Variants in CEP126 observed in about 807,000 individuals in gnomAD.
CEP126 encodes centrosomal protein 126.
A neutral mutation model predicts 107.8 loss-of-function variants in CEP126; 74 were observed. That is an observed-to-expected ratio of 0.69 (90% CI 0.57 to 0.83). CEP126 has a LOEUF of 0.83. CEP126 is among the 40% of genes least tolerant of loss of function. The probability of loss-of-function intolerance (pLI) is 0.00; values close to 1 mark genes in which losing one functional copy is unlikely to be tolerated. For synonymous variants in CEP126, 449 were observed against 446.0 expected, an observed-to-expected ratio of 1.01 and a Z score of -0.08; for missense variants, 1,237 against 1,281.9, an observed-to-expected ratio of 0.96 and a Z score of 0.53.
rs1591284550 is a variant in CEP126, at chr11:101,962,052, A to G, written c.1017A>G (p.Ser339=). ...TAAGTAAATCTAATGTTCTGCCTTC[A>G]TGGGAATATTTTAATAGTAAAGAAC... The part of the protein sequence containing the change: ...DILSKSNVLP[S]WEYFNSKEQN... Residue 339 remains serine (S), a synonymous_variant, in exon 6 of 11, where the codon TCA becomes TCG. Transcript: ENST00000263468. 1 of 1,613,314 alleles carries G rather than the reference A, an allele frequency of 6.2e-7. No individual in the cohort carries two copies. Among genetic ancestry groups the G allele is most frequent in the African/African-American group, 1.3e-5 (1 of 75,016 alleles).
intron 10 of CEP126, among the ~76,000 whole-genome samples, chr11:101,993,121 C>T (rs1003098287): frequency 1.3e-5 from 2 of 152,078 alleles, no homozygotes; most frequent in African/African-American, 4.8e-5. Flanking sequence ...AATTGTGTAT[C>T]GCAGGGGTTT....
Position 101,915,138 on chromosome 11 carries a change from A to G in CEP126, c.-147A>G. 1 of 1,213,936 alleles carries G rather than the reference A, an allele frequency of 8.2e-7. No individual in the cohort carries two copies. The highest frequency in any genetic ancestry group is 1.1e-6 in the Non-Finnish European group (1 of 877,216). The allele number at this position is 1,213,936 out of a possible 1,614,324, so 75.2% of individuals were successfully genotyped here. ...GCACCAGTGCCGCTGCGCGGGAGCT[A>G]GGGCTGTCGAGGCCAACCCTTCCGC... On this transcript the variant is annotated 5_prime_UTR_variant, in exon 1 of 11. Transcript: ENST00000263468.
chr11:101,978,568 ATATAAT>A (rs1409999450), intron 7 of CEP126, 109 bp downstream of exon 7: 2 of 667,106 alleles, frequency 3.0e-6, no homozygotes, highest in Admixed American at 5.5e-5. Context: ...CACAACATAA[ATATAAT>A]TATAGCCAAA....
In CEP126 at chr11:101,998,610, A is replaced by AAAAAAAAAAAAAAT. The variant is rs1941471121; in HGVS notation, c.*967_*968insAAAAAAAAAAAAAT. 2 of 148,236 alleles carry AAAAAAAAAAAAAAT rather than the reference A, an allele frequency of 1.3e-5. No individual in the cohort carries two copies. Among genetic ancestry groups the AAAAAAAAAAAAAAT allele is most frequent in the African/African-American group, 5.0e-5 (2 of 40,098 alleles). The allele number at this position is 148,236 out of a possible 1,614,324, so 9.2% of individuals were successfully genotyped here. ...CCAGCCTCAAAAAAAAAAAAAAAAAAGTGATGAATCAAAATTAGAAATTAA... is the reference window on the plus strand; with the variant it reads ...CCAGCCTCAAAAAAAAAAAAAAAAAAAAAAAAAAAAAAATGTGATGAATCAAAATTAGAAATTAA... On this transcript the variant is annotated 3_prime_UTR_variant, in exon 11 of 11. Transcript: ENST00000263468.
intron 4 of CEP126, chr11:101,956,176 A>G (rs931254289): frequency 1.1e-5 from 5 of 456,310 alleles, no homozygotes; most frequent in Middle Eastern, 6.5e-4. Context: ...TATTTTACAA[A>G]ACTTTCAGAC....
In CEP126 at chr11:101,944,315, G is replaced by C. The variant is rs1940707166; in HGVS notation, c.299G>C (p.Arg100Thr). 1 of 1,610,478 alleles carries C rather than the reference G, an allele frequency of 6.2e-7. No homozygotes were observed. The highest frequency in any genetic ancestry group is 8.5e-7 in the Non-Finnish European group (1 of 1,178,780). Reference protein sequence around the residue: ...KEQEEKEHQIREQILQQRKQK... With the variant: ...KEQEEKEHQITEQILQQRKQK... ...CAGGAAGAAAAAGAACACCAAATTA[G>C]AGAACAAATACTTCAACAAAGAAAA... Residue 100 changes from arginine (R) to threonine (T), a missense_variant, in exon 3 of 11, where the codon AGA (arginine) becomes ACA (threonine). Arg to Thr is a moderately conservative substitution (Grantham distance 71). Around this residue, in one of 3 missense-constraint regions of CEP126, gnomAD observed 1,134 missense variants for 1,150.5 expected, o/e 0.99. Coordinates refer to ENST00000263468, the MANE Select transcript of CEP126 (RefSeq NM_020802.4).
At chr11:101,920,459 T>A (rs1055171078) in intron 1 of CEP126, among the ~76,000 whole-genome samples, 7 of 152,080 alleles carry the variant, frequency 4.6e-5, no homozygotes, top group African/African-American at 1.7e-4. Flanking sequence ...TGGACCTCCA[T>A]CTTAGCGTAA....
intron 4 of CEP126, among the ~76,000 whole-genome samples, chr11:101,952,076 C>T (rs774578560): frequency 2.0e-5 from 3 of 151,938 alleles, no homozygotes; most frequent in South Asian, 2.1e-4. Context: ...AAAAGTGGCC[C>T]GAAGTTAGAT....
chr11:101,967,205 C>T (rs1941068532), intron 6 of CEP126, among the ~76,000 whole-genome samples: 1 of 151,772 alleles, frequency 6.6e-6, no homozygotes, highest in South Asian at 2.1e-4. Context: ...TATATAGAGA[C>T]AGGGTCTCCC....
In CEP126 at chr11:101,961,993, A is replaced by G; in HGVS notation, c.958A>G (p.Asn320Asp). ...NNWLTNLDAS[N>D]TQNVTAFSDI... ...TTGGCTTACAAATTTAGATGCTTCA[A>G]ATACTCAGAATGTCACAGCTTTCTC... is the stretch of plus-strand genomic sequence containing the variant. The change falls in exon 6 of 11, where the codon AAT (asparagine) becomes GAT (aspartate). Residue 320 changes from asparagine (N) to aspartate (D), a missense_variant. Coordinates refer to ENST00000263468, the MANE Select transcript of CEP126 (RefSeq NM_020802.4). 2.5e-6 allele frequency: 4 copies of G among 1,612,486 alleles called. No individual in the cohort carries two copies. Among genetic ancestry groups the G allele is most frequent in the South Asian group, 1.1e-5 (1 of 90,684 alleles).
intron 10 of CEP126, among the ~76,000 whole-genome samples, chr11:101,996,348 T>C (rs1941441213): frequency 6.6e-6 from 1 of 152,244 alleles, no homozygotes; most frequent in Non-Finnish European, 1.5e-5. Context: ...TCAAACAGCC[T>C]GCTCAGTCAT....
chr11:101,922,646 T>G lies in CEP126; in HGVS notation c.134T>G (p.Met45Arg). The G allele has an allele frequency of 6.2e-7, 1 of 1,604,084 alleles. No individual in the cohort carries two copies. Among genetic ancestry groups the G allele is most frequent in the Non-Finnish European group, 8.5e-7 (1 of 1,171,400 alleles). Residue 45 changes from methionine to arginine, a missense_variant, in exon 2 of 11, where the codon ATG (methionine) becomes AGG (arginine). Around this residue, in one of 3 missense-constraint regions of CEP126, gnomAD observed 1,134 missense variants for 1,150.5 expected, o/e 0.99. Transcript: ENST00000263468. Reference sequence around the variant, plus strand: ...TAACTTAATGCTATCATTAGAGATATGAAAATCCATCTGGAGAAAAATTTA... The same window carrying G: ...TAACTTAATGCTATCATTAGAGATAGGAAAATCCATCTGGAGAAAAATTTA... ...GHHRPGSYLD[M>R]KIHLEKNLEE...
intron 6 of CEP126, among the ~76,000 whole-genome samples, chr11:101,966,812 G>A (rs1256098554): frequency 6.6e-6 from 1 of 151,976 alleles, no homozygotes. Flanking sequence ...GAGGGTACAT[G>A]TGGATGTTTG....
At chr11:101,995,542 C>G (rs1941432174) in intron 10 of CEP126, among the ~76,000 whole-genome samples, 1 of 152,130 alleles carries the variant, frequency 6.6e-6, no homozygotes, top group African/African-American at 2.4e-5. Context: ...AGTCACCTAC[C>G]CTTCCTGGTC....
At position 101,956,216 on chromosome 11, in the gene CEP126, A is replaced by G. The variant is rs191935959; in HGVS notation, c.507-1952A>G. On this transcript the variant is annotated intron_variant, in intron 4 of 10. Coordinates refer to ENST00000263468, the MANE Select transcript of CEP126 (RefSeq NM_020802.4). ...ACATTTCCTTCCAGCACAGCATTCT[A>G]CTGCAGCCACTCTAATGCCTACCCT... 1.9e-4 allele frequency: 85 copies of G among 456,218 alleles called. No individual in the cohort carries two copies. The Middle Eastern group carries it at 2.0e-3, about 10-fold the overall frequency. 28.3% of individuals were successfully genotyped at this position (456,218 alleles called of 1,614,324 possible).
chr11:101,988,929 C>G (rs1565370458), intron 9 of CEP126, among the ~76,000 whole-genome samples: 1 of 151,924 alleles, frequency 6.6e-6, no homozygotes, highest in Non-Finnish European at 1.5e-5. Flanking sequence ...TTTTAACATA[C>G]CATTGTCAGT....
At chr11:101,918,277 A>C (rs1346143430) in intron 1 of CEP126, among the ~76,000 whole-genome samples, 2 of 152,070 alleles carry the variant, frequency 1.3e-5, no homozygotes, top group East Asian at 3.9e-4. Context: ...GTGAAACCAT[A>C]TCTCTACAAA....
intron 6 of CEP126, among the ~76,000 whole-genome samples, chr11:101,971,259 C>T (rs764311850): frequency 6.6e-5 from 10 of 152,014 alleles, no homozygotes; most frequent in Non-Finnish European, 1.2e-4. Flanking sequence ...TAGGCGTGAG[C>T]CACCGTGCCC....
At chr11:101,954,443 G>T (rs1285654109) in intron 4 of CEP126, among the ~76,000 whole-genome samples, 1 of 152,144 alleles carries the variant, frequency 6.6e-6, no homozygotes, top group African/African-American at 2.4e-5. Context: ...GAACAACTTT[G>T]CTTTCCCTGC....
Sources: gnomAD v4.1 joint callset for allele counts (sites outside exome capture counted in the v4.1 genomes callset) on GRCh38, gnomAD v4.1.1 for gene constraint, gnomAD v4.1.1 regional missense constraint, MANE v1.5 for transcripts, NCBI Gene and HGNC (gene_info 2026-07-23, HGNC 2026-07-21) for gene names.